The following CTTNBP2NL variants were observed in gnomAD, a reference collection of about 807,000 sequenced individuals.
CTTNBP2NL encodes CTTNBP2 N-terminal like.
Under a neutral mutation model 32.5 loss-of-function variants are expected in CTTNBP2NL, and 16 were observed. The observed-to-expected ratio is 0.49, with a 90% confidence interval of 0.33 to 0.75. The LOEUF is 0.75. Ranked by LOEUF, CTTNBP2NL falls within the 30% of genes least tolerant of loss-of-function variation. The pLI is 0.02. For synonymous variants in CTTNBP2NL, 298 were observed against 289.4 expected (o/e 1.03, Z -0.30); for missense variants, 645 against 756.0 (o/e 0.85, Z 1.72).
upstream of CTTNBP2NL, among the ~76,000 whole-genome samples, chr1:112,395,951 G>A (rs1487722444): frequency 6.6e-6 from 1 of 152,254 alleles, no homozygotes. Flanking sequence ...GAAAGTTGCA[G>A]ACCCCGAGCC....
Position 112,456,377 on chromosome 1 carries a change from C to A in CTTNBP2NL, c.885C>A (p.Thr295=), listed in dbSNP as rs1473818673. The A allele has an allele frequency of 1.2e-6, 2 of 1,614,040 alleles. No homozygotes were observed. The highest frequency in any genetic ancestry group is 1.7e-6 in the Non-Finnish European group (2 of 1,180,034). ...ATGAGCAATTGAAGAAACCAGTAACCGTGTCCAAAGGCACAGCAACTGAGC... is the reference window on the plus strand; with the variant it reads ...ATGAGCAATTGAAGAAACCAGTAACAGTGTCCAAAGGCACAGCAACTGAGC... The part of the protein sequence containing the change: ...SPNEQLKKPV[T]VSKGTATEPL... The change falls in exon 6 of 6, where the codon ACC becomes ACA. Residue 295 remains threonine (T), a synonymous_variant. Coordinates refer to ENST00000271277, the MANE Select transcript of CTTNBP2NL (RefSeq NM_018704.3).
chr1:112,409,251 GA>G (rs1184421914), intron 1 of CTTNBP2NL, among the ~76,000 whole-genome samples: 1 of 151,704 alleles, frequency 6.6e-6, no homozygotes, highest in African/African-American at 2.4e-5. Context: ...ACCTTAATCT[GA>G]GTCATTTGTA....
chr1:112,446,088 G>T (rs897428570), intron 3 of CTTNBP2NL, among the ~76,000 whole-genome samples: 2 of 151,972 alleles, frequency 1.3e-5, no homozygotes, highest in Admixed American at 1.3e-4. Context: ...TCATGAATAA[G>T]AAATGTGACA....
chr1:112,411,396 TAAAC>T (rs1180351254), intron 1 of CTTNBP2NL, among the ~76,000 whole-genome samples: 2 of 152,202 alleles, frequency 1.3e-5, no homozygotes, highest in African/African-American at 4.8e-5. Flanking sequence ...TAGGAAATCA[TAAAC>T]AAAAAATTAC....
intron 4 of CTTNBP2NL, among the ~76,000 whole-genome samples, chr1:112,453,678 C>T (rs1263808835): frequency 1.3e-5 from 2 of 151,984 alleles, no homozygotes; most frequent in Admixed American, 6.6e-5. Flanking sequence ...CTCTTGAGCT[C>T]GGGAGGCCAA....
At chr1:112,451,850 C>T (rs1650229418) in intron 4 of CTTNBP2NL, among the ~76,000 whole-genome samples, 1 of 151,820 alleles carries the variant, frequency 6.6e-6, no homozygotes, top group Non-Finnish European at 1.5e-5. Flanking sequence ...CTACATTTCA[C>T]CTCTCCTCTG....
intron 3 of CTTNBP2NL, among the ~76,000 whole-genome samples, chr1:112,422,171 G>T (rs113922824): frequency 0.028 from 4,262 of 151,992 alleles, 210 homozygotes; most frequent in African/African-American, 0.098. Context: ...CCAAACCACT[G>T]ATCTGCTTTC....
At chr1:112,408,820 T>TAAGCCAA (rs1327524724) in intron 1 of CTTNBP2NL, among the ~76,000 whole-genome samples, 1 of 152,108 alleles carries the variant, frequency 6.6e-6, no homozygotes. Context: ...TGGCTTGGCT[T>TAAGCCAA]ATATGTATTG....
intron 1 of CTTNBP2NL, among the ~76,000 whole-genome samples, chr1:112,404,574 A>G (rs1208395678): frequency 2.6e-5 from 4 of 152,222 alleles, no homozygotes; most frequent in African/African-American, 7.2e-5. Flanking sequence ...TCTTACTGAA[A>G]ATAATCAATC....
In CTTNBP2NL at chr1:112,457,328, A is replaced by G. The variant is rs753569605; in HGVS notation, c.1836A>G (p.Ala612=). 1 of 1,614,190 alleles carries G rather than the reference A, an allele frequency of 6.2e-7. No individual in the cohort carries two copies. The highest frequency in any genetic ancestry group is 1.1e-5 in the South Asian group (1 of 91,084). The change falls in exon 6 of 6, where the codon GCA becomes GCG. Residue 612 remains alanine (A), a synonymous_variant. Transcript: ENST00000271277. ...THSQAASLTT[A]EDLASSCSSN... ...CCCAGGCAGCCTCTTTGACCACTGC[A>G]GAAGACCTTGCCAGCAGCTGCTCTT...
chr1:112,417,252 A>G (rs1649094680), intron 3 of CTTNBP2NL, among the ~76,000 whole-genome samples: 1 of 152,214 alleles, frequency 6.6e-6, no homozygotes, highest in Non-Finnish European at 1.5e-5. Context: ...AGCACCCAGC[A>G]TAGTGCCAGG....
At chr1:112,422,375 G>C (rs1480326223) in intron 3 of CTTNBP2NL, among the ~76,000 whole-genome samples, 2 of 152,054 alleles carry the variant, frequency 1.3e-5, no homozygotes, top group African/African-American at 2.4e-5. Flanking sequence ...CCACGGTTTT[G>C]TTTTATCCAC....
At chr1:112,405,362 A>G (rs1210283121) in intron 1 of CTTNBP2NL, among the ~76,000 whole-genome samples, 1 of 152,026 alleles carries the variant, frequency 6.6e-6, no homozygotes. Context: ...CAGTGGTGCA[A>G]TCTCAGCTCA....
intron 3 of CTTNBP2NL, among the ~76,000 whole-genome samples, chr1:112,442,901 G>A (rs1649937259): frequency 6.6e-6 from 1 of 152,042 alleles, no homozygotes; most frequent in Admixed American, 6.5e-5. Flanking sequence ...ATGTTGGCCA[G>A]GCTGCTCTCG....
intron 3 of CTTNBP2NL, among the ~76,000 whole-genome samples, chr1:112,444,360 G>A (rs1557895699): frequency 6.6e-6 from 1 of 152,184 alleles, no homozygotes; most frequent in Non-Finnish European, 1.5e-5. Flanking sequence ...TTGAAGTTAG[G>A]AATAACACAG....
intron 1 of CTTNBP2NL, among the ~76,000 whole-genome samples, chr1:112,409,092 C>T (rs1217176699): frequency 1.4e-5 from 2 of 147,380 alleles, no homozygotes; most frequent in African/African-American, 2.5e-5. Context: ...TGTGCCAGTG[C>T]ACTCCAGCCT....
In CTTNBP2NL at chr1:112,457,219, G is replaced by A. The variant is rs1194611248; in HGVS notation, c.1727G>A (p.Arg576Lys). The A allele has an allele frequency of 6.2e-7, 1 of 1,614,138 alleles. No individual in the cohort carries two copies. The highest frequency in any genetic ancestry group is 1.1e-5 in the South Asian group (1 of 91,078). The change falls in exon 6 of 6, where the codon AGA (arginine) becomes AAA (lysine). Residue 576 changes from arginine (R) to lysine (K), a missense_variant. By Grantham distance (26) the Arg-to-Lys change is conservative. Transcript: ENST00000271277. ...IKSPTIPRAERGNPPPIPPKK... is the reference protein window; with the variant it reads ...IKSPTIPRAEKGNPPPIPPKK... The stretch of plus-strand genomic sequence containing the variant: ...TCCCCAACCATCCCCAGAGCTGAGA[G>A]AGGAAACCCTCCACCCATCCCACCC...
In CTTNBP2NL at chr1:112,401,418, C is replaced by G. The variant is rs370185940; in HGVS notation, c.-134+5146C>G. Among the ~76,000 whole-genome samples the G allele has an allele frequency of 1.6e-3, 243 of 152,286 alleles. 10 individuals carry two copies. In the South Asian group the frequency reaches 0.047, roughly 29 times the overall value. ...GATTCAGCTAGCCGATGTCTTCTTT[C>G]TGAATTGTCAGTTGCTCCACTCTAA... On this transcript the variant is annotated intron_variant, in intron 1 of 5. Coordinates refer to ENST00000271277, the MANE Select transcript of CTTNBP2NL (RefSeq NM_018704.3).
intron 3 of CTTNBP2NL, among the ~76,000 whole-genome samples, chr1:112,443,668 G>A (rs928704329): frequency 9.9e-5 from 15 of 152,142 alleles, no homozygotes; most frequent in African/African-American, 3.6e-4. Flanking sequence ...TTTAAATCAT[G>A]ACAATTTTCT....
Sources: gnomAD v4.1 joint callset for allele counts (sites outside exome capture counted in the v4.1 genomes callset) on GRCh38, gnomAD v4.1.1 for gene constraint, MANE v1.5 for transcripts, NCBI Gene and HGNC (gene_info 2026-07-23, HGNC 2026-07-21) for gene names.